MEGF6: variants seen among roughly 807,000 people sequenced by gnomAD.
MEGF6 encodes multiple epidermal growth factor-like domains protein 6.
A neutral mutation model predicts 207.1 loss-of-function variants in MEGF6; 184 were observed. The ratio of observed to expected loss-of-function variants is 0.89; its 90% CI spans 0.79 to 1.00. The LOEUF (loss-of-function observed/expected upper bound fraction) is 1.00. Ranked by LOEUF, MEGF6 falls within the 50% of genes least tolerant of loss-of-function variation. MEGF6 has a pLI of 0.00. For synonymous variants in MEGF6, 1,038 were observed against 910.0 expected (o/e 1.14, Z -2.53); for missense variants, 2,282 against 2,202.9 (o/e 1.04, Z -0.72).
chr1:3,572,048 G>A (rs117840399), intron 4 of MEGF6, among the ~76,000 whole-genome samples: 3,954 of 146,016 alleles, frequency 0.027, 71 homozygotes, highest in South Asian at 0.054. Flanking sequence ...GGGTGTGCTG[G>A]GTCTTTCCTG....
intron 4 of MEGF6, among the ~76,000 whole-genome samples, chr1:3,531,804 C>CGGGCCGCGGGGCGGGGGAGGG (rs1417875157): frequency 1.4e-3 from 193 of 142,058 alleles, no homozygotes; most frequent in African/African-American, 4.8e-3. Context: ...CCGTCCTGGC[C>CGGGCCGCGGGGCGGGGGAGGG]GGGCCGCGGG....
In MEGF6 at chr1:3,524,191, GGT is replaced by G. The variant is rs1480519281; in HGVS notation, c.535_536del (p.Thr179ProfsTer7). On this transcript the variant is annotated frameshift_variant, in exon 5 of 37. Coordinates refer to ENST00000356575, the MANE Select transcript of MEGF6 (RefSeq NM_001409.4). LOFTEE classifies it high-confidence loss of function. ...NGGCQHRCVN[T>X]PGSYLCECKP... ...TGCACTCACAGAGGTAGGAGCCTGG[GGT>G]GTTCACGCACCGGTGCTGGCAGCCA... The G allele has an allele frequency of 6.2e-7, 1 of 1,613,014 alleles. No homozygotes were observed. The highest frequency in any genetic ancestry group is 2.2e-5 in the East Asian group (1 of 44,872).
At chr1:3,557,937 A>G (rs567624914) in intron 4 of MEGF6, among the ~76,000 whole-genome samples, 14 of 152,314 alleles carry the variant, frequency 9.2e-5, no homozygotes, top group Admixed American at 8.5e-4. Flanking sequence ...GCTCAGCCCT[A>G]TCGTGAGTGT....
At chr1:3,519,069 C>T (rs965569388) in intron 5 of MEGF6, among the ~76,000 whole-genome samples, 5 of 152,332 alleles carry the variant, frequency 3.3e-5, no homozygotes, top group South Asian at 4.1e-4. Flanking sequence ...GGCCACCAGG[C>T]GTCCAGAAAT....
intron 14 of MEGF6, among the ~76,000 whole-genome samples, chr1:3,507,202 T>C (rs10909956): frequency 0.14 from 21,154 of 152,122 alleles, 2,574 homozygotes; most frequent in African/African-American, 0.33. Flanking sequence ...GGTTCTAGGG[T>C]TGGCTGTCTT....
chr1:3,493,752 G>A lies in MEGF6; in HGVS notation c.4387+19C>T. 6.2e-7 allele frequency: 1 copy of A among 1,608,326 alleles called. No individual in the cohort carries two copies. Among genetic ancestry groups the A allele is most frequent in the Non-Finnish European group, 8.5e-7 (1 of 1,176,572 alleles). ...GAGACCCACACCCACGCCCTTCCTG[G>A]GCAGGACCCCAGACTCACCCAGGTT... is the stretch of plus-strand genomic sequence containing the variant. On this transcript the variant is annotated intron_variant, in intron 34 of 36. Coordinates refer to ENST00000356575, the MANE Select transcript of MEGF6 (RefSeq NM_001409.4).
intron 3 of MEGF6, among the ~76,000 whole-genome samples, chr1:3,595,020 C>A (rs57876771): frequency 0.052 from 7,977 of 152,086 alleles, 459 homozygotes; most frequent in African/African-American, 0.14. Context: ...GCTCAGGAGT[C>A]CATGAACCAC....
In MEGF6 at chr1:3,585,129, TGTGA is replaced by T. The variant is rs560977233; in HGVS notation, c.377-5204_377-5201del. On this transcript the variant is annotated intron_variant, in intron 3 of 36. Transcript: ENST00000356575. Reference sequence around the variant, plus strand: ...TGAGGACGTATGTCCTGTGTGTGGGTGTGAGTGACACATGTCCTGTGTGTGGGTG... The same window carrying T: ...TGAGGACGTATGTCCTGTGTGTGGGTGTGACACATGTCCTGTGTGTGGGTG... 2.4e-3 allele frequency among the ~76,000 whole-genome samples: 358 copies of T among 150,078 alleles called. 1 individual carries two copies. Among genetic ancestry groups the T allele is most frequent in the African/African-American group, 8.0e-3 (324 of 40,640 alleles).
At chr1:3,545,046 C>T (rs1642657493) in intron 4 of MEGF6, among the ~76,000 whole-genome samples, 1 of 152,148 alleles carries the variant, frequency 6.6e-6, no homozygotes, top group Admixed American at 6.5e-5. Context: ...TGCCTGTGTC[C>T]CATGGCTTGG....
At chr1:3,580,002 C>T (rs1643754155) in intron 3 of MEGF6, 73 bp from the exon 4 acceptor site, 5 of 1,152,388 alleles carry the variant, frequency 4.3e-6, no homozygotes, top group Middle Eastern at 2.5e-4. Flanking sequence ...GCCTGAGGGT[C>T]TCTCGGGCAG....
At chr1:3,581,211 C>A (rs536685381) in intron 3 of MEGF6, among the ~76,000 whole-genome samples, 1 of 152,256 alleles carries the variant, frequency 6.6e-6, no homozygotes, top group Non-Finnish European at 1.5e-5. Flanking sequence ...GTCAGGAGGA[C>A]CCGGCCTGGG....
intron 4 of MEGF6, among the ~76,000 whole-genome samples, chr1:3,550,641 G>C (rs538983958): frequency 6.6e-6 from 1 of 151,914 alleles, no homozygotes; most frequent in South Asian, 2.1e-4. Flanking sequence ...CCAGGCCTCC[G>C]GGGTGCTCCG....
intron 4 of MEGF6, among the ~76,000 whole-genome samples, chr1:3,561,225 G>A (rs558089511): frequency 6.6e-6 from 1 of 152,178 alleles, no homozygotes; most frequent in African/African-American, 2.4e-5. Context: ...GCAAGGGAGG[G>A]CCCCTCCACG....
chr1:3,542,063 A>G (rs112020712), intron 4 of MEGF6, among the ~76,000 whole-genome samples: 2 of 152,042 alleles, frequency 1.3e-5, no homozygotes, highest in African/African-American at 4.8e-5. Flanking sequence ...GCTTCCGCCC[A>G]GACCCGGCCT....
chr1:3,511,928 C>G, intron 8 of MEGF6, 78 bp downstream of exon 8: 1 of 1,596,570 alleles, frequency 6.3e-7, no homozygotes, highest in African/African-American at 1.3e-5. Context: ...TGCCCTTCAG[C>G]CAAAGCAGGC....
Position 3,490,919 on chromosome 1 carries a change from C to T in MEGF6, c.4557G>A (p.Gln1519=). The T allele has an allele frequency of 1.9e-6, 3 of 1,597,220 alleles. No homozygotes were observed. The highest frequency in any genetic ancestry group is 2.6e-6 in the Non-Finnish European group (3 of 1,172,206). Reference sequence around the variant, plus strand: ...ATTCCCCACACCCCTTACCTGAGCCCTGGGCTAAGGACGGGTTCTCGGGGA... The same window carrying T: ...ATTCCCCACACCCCTTACCTGAGCCTTGGGCTAAGGACGGGTTCTCGGGGA... ...LRLPENPSLA[Q]GSAGTLPASS... Residue 1519 remains glutamine (Q), a synonymous_variant, in exon 36 of 37, where the codon CAG becomes CAA. Coordinates refer to ENST00000356575, the MANE Select transcript of MEGF6 (RefSeq NM_001409.4).
chr1:3,623,754 G>A, the MEGF6 span, among the ~76,000 whole-genome samples: 2 of 152,210 alleles, frequency 1.3e-5, no homozygotes, highest in South Asian at 2.1e-4. Context: ...GCTGGCAAGT[G>A]GGGCAGAATC....
At chr1:3,598,727 C>CT (rs755770598) in intron 2 of MEGF6, among the ~76,000 whole-genome samples, 96 of 147,678 alleles carry the variant, frequency 6.5e-4, no homozygotes, top group African/African-American at 2.3e-3. Context: ...CCCCCCCCCC[C>CT]CCCCGGGGCC....
upstream of MEGF6, among the ~76,000 whole-genome samples, chr1:3,616,489 C>A (rs1372635576): frequency 6.6e-6 from 1 of 152,146 alleles, no homozygotes; most frequent in East Asian, 1.9e-4. Flanking sequence ...TGTGCCAGCA[C>A]CCCCAGTGTG....
Sources: allele counts gnomAD v4.1 joint callset (sites outside exome capture counted in the v4.1 genomes callset), GRCh38; gene constraint gnomAD v4.1.1; transcripts MANE v1.5; gene names NCBI Gene and HGNC (gene_info 2026-07-23, HGNC 2026-07-21).